Variants in PDE7B observed in about 807,000 individuals in gnomAD.
PDE7B encodes the protein phosphodiesterase 7B.
Under a neutral mutation model 56.2 loss-of-function variants are expected in PDE7B, and 29 were observed. The ratio of observed to expected loss-of-function variants is 0.52; its 90% CI spans 0.38 to 0.70. PDE7B has a LOEUF of 0.70. Among genes scored for constraint, PDE7B ranks in the 30% least tolerant of loss-of-function variants. The pLI, the probability that PDE7B is intolerant of heterozygous loss-of-function variation, is 0.00. For missense variants in PDE7B, 490 were observed against 565.0 expected (o/e 0.87, Z 1.35); for synonymous variants, 197 against 196.9 (o/e 1.00, Z 0.00).
At chr6:136,139,158 G>C (rs1383169958) in intron 3 of PDE7B, among the ~76,000 whole-genome samples, 1 of 151,832 alleles carries the variant, frequency 6.6e-6, no homozygotes, top group Non-Finnish European at 1.5e-5. Context: ...TGTGATGTTC[G>C]CCCTCCTGTG....
chr6:136,130,784 A>G (rs1778104423), intron 3 of PDE7B, among the ~76,000 whole-genome samples: 1 of 152,200 alleles, frequency 6.6e-6, no homozygotes, highest in African/African-American at 2.4e-5. Context: ...ACTCAGTTCT[A>G]CATGGCTGGG....
chr6:135,977,889 G>A (rs2128203838), intron 2 of PDE7B, among the ~76,000 whole-genome samples: 1 of 152,188 alleles, frequency 6.6e-6, no homozygotes, highest in South Asian at 2.1e-4. Context: ...TTTTGCACCA[G>A]CCTAATAACT....
chr6:135,915,808 G>A (rs747642838), intron 1 of PDE7B, among the ~76,000 whole-genome samples: 8 of 152,160 alleles, frequency 5.3e-5, no homozygotes, highest in South Asian at 2.1e-4. Flanking sequence ...CGGAATGTGC[G>A]TCTGTCTGTG....
At chr6:135,965,737 G>T (rs4896188) in intron 2 of PDE7B, among the ~76,000 whole-genome samples, 44,841 of 152,034 alleles carry the variant, frequency 0.29, 8,174 homozygotes, top group Admixed American at 0.48. Flanking sequence ...CATGGGAATT[G>T]TGGGAGCTAC....
Position 136,194,931 on chromosome 6 carries a change from C to T in PDE7B, c.*3091C>T, listed in dbSNP as rs1448831565. On this transcript the variant is annotated 3_prime_UTR_variant, in exon 13 of 13. Transcript: ENST00000308191. ...AATCCCACAGCTATTGGATCATCCA[C>T]AGATTTTTTCTTTACAATCTTGTTC... 6.6e-6 allele frequency: 1 copy of T among 152,184 alleles called. No homozygotes were observed. Among genetic ancestry groups the T allele is most frequent in the Admixed American group, 6.5e-5 (1 of 15,272 alleles). The allele number at this position is 152,184 out of a possible 1,614,324, so 9.4% of individuals were successfully genotyped here.
intron 10 of PDE7B, among the ~76,000 whole-genome samples, chr6:136,180,969 G>T (rs1779052998): frequency 6.6e-6 from 1 of 152,166 alleles, no homozygotes; most frequent in South Asian, 2.1e-4. Context: ...GCCCACCCAA[G>T]TCTCTTCCAG....
chr6:136,118,118 G>A (rs967680047), intron 3 of PDE7B, among the ~76,000 whole-genome samples: 2 of 152,146 alleles, frequency 1.3e-5, no homozygotes, highest in South Asian at 2.1e-4. Flanking sequence ...ATACAGTTGA[G>A]TTTTGGATGT....
chr6:136,100,781 C>T (rs1161551589), intron 2 of PDE7B, among the ~76,000 whole-genome samples: 1 of 152,156 alleles, frequency 6.6e-6, no homozygotes, highest in African/African-American at 2.4e-5. Flanking sequence ...CCTGATTGCC[C>T]TGGCCAGAAC....
intron 1 of PDE7B, among the ~76,000 whole-genome samples, chr6:135,882,661 T>C (rs911097086): frequency 5.3e-5 from 8 of 152,230 alleles, no homozygotes; most frequent in African/African-American, 1.9e-4. Flanking sequence ...ATGATGATAG[T>C]GTCTATGCAG....
chr6:136,186,676 A>G (rs1779150912), intron 11 of PDE7B, among the ~76,000 whole-genome samples: 1 of 152,212 alleles, frequency 6.6e-6, no homozygotes, highest in Non-Finnish European at 1.5e-5. Flanking sequence ...AGAAGGAAGG[A>G]CAAAACCTGT....
At chr6:136,027,054 A>G (rs1298391558) in intron 2 of PDE7B, among the ~76,000 whole-genome samples, 6 of 152,136 alleles carry the variant, frequency 3.9e-5, no homozygotes, top group Admixed American at 3.9e-4. Context: ...CCCTCTCCCC[A>G]CCATGTGAGG....
In PDE7B at chr6:136,038,227, C is replaced by A. The variant is rs1343428168; in HGVS notation, c.83-70504C>A. On this transcript the variant is annotated intron_variant, in intron 2 of 12. Transcript: ENST00000308191. The stretch of plus-strand genomic sequence containing the variant: ...GCAGAAGCAGAAACAGCAGCAGCAG[C>A]AACAGCAGCAGCAGCAGCAGCACCA... 6 of 1,299,610 alleles carry A rather than the reference C, an allele frequency of 4.6e-6. No homozygotes were observed. In the East Asian group the frequency reaches 3.2e-4, roughly 69 times the overall value. The allele number at this position is 1,299,610 out of a possible 1,614,324, so 80.5% of individuals were successfully genotyped here.
chr6:136,034,107 A>G (rs984067966), intron 2 of PDE7B: 15 of 152,260 alleles, frequency 9.9e-5, no homozygotes, highest in Non-Finnish European at 2.9e-5. Flanking sequence ...TCAAAGTGAA[A>G]GAAAATGACA....
chr6:135,945,172 C>A (rs557862226), intron 1 of PDE7B, among the ~76,000 whole-genome samples: 3 of 152,250 alleles, frequency 2.0e-5, no homozygotes, highest in South Asian at 4.1e-4. Context: ...GAAATAGGAA[C>A]AAATACTATG....
chr6:135,874,058 G>A (rs1186065221), intron 1 of PDE7B, among the ~76,000 whole-genome samples: 4 of 152,190 alleles, frequency 2.6e-5, no homozygotes, highest in Non-Finnish European at 5.9e-5. Flanking sequence ...GGGAATGTGG[G>A]AGGATGGGCA....
intron 2 of PDE7B, among the ~76,000 whole-genome samples, chr6:136,073,419 G>A (rs1412788716): frequency 6.6e-6 from 1 of 152,150 alleles, no homozygotes; most frequent in Non-Finnish European, 1.5e-5. Context: ...TAAACTCAAT[G>A]GCTTAAACAA....
chr6:135,873,925 G>A (rs1471693448), intron 1 of PDE7B, among the ~76,000 whole-genome samples: 1 of 152,138 alleles, frequency 6.6e-6, no homozygotes, highest in Non-Finnish European at 1.5e-5. Flanking sequence ...TAAGCTAGAT[G>A]TTGTTCTAGG....
intron 8 of PDE7B, among the ~76,000 whole-genome samples, chr6:136,169,586 T>G (rs1340438604): frequency 6.6e-6 from 1 of 152,194 alleles, no homozygotes; most frequent in African/African-American, 2.4e-5. Flanking sequence ...TATCATTAGA[T>G]CTTGTTACAG....
In PDE7B at chr6:135,898,968, G is replaced by C. The variant is rs535997884; in HGVS notation, c.21+46949G>C. On this transcript the variant is annotated intron_variant, in intron 1 of 12. Coordinates refer to ENST00000308191, the MANE Select transcript of PDE7B (RefSeq NM_018945.4). ...TTGTAATAATCCCCATGTGTTGAGG[G>C]GGGCGCCAGGTGGAGATAATTGAAT... Among the ~76,000 whole-genome samples, 36 of 152,164 alleles carry C rather than the reference G, an allele frequency of 2.4e-4. No homozygotes were observed. The South Asian group carries it at 7.1e-3, about 30-fold the overall frequency.
Sources: gnomAD v4.1 joint callset for allele counts (sites outside exome capture counted in the v4.1 genomes callset) on GRCh38, gnomAD v4.1.1 for gene constraint, MANE v1.5 for transcripts, NCBI Gene and HGNC (gene_info 2026-07-23, HGNC 2026-07-21) for gene names.